ANKRD13A: variants seen among roughly 807,000 people sequenced by gnomAD.
ANKRD13A encodes the protein ankyrin repeat domain-containing protein 13A.
ANKRD13A carries 48 observed loss-of-function variants against 81.3 expected under a neutral mutation model. The observed-to-expected ratio is 0.59, with a 90% CI of 0.47 to 0.75. The LOEUF (loss-of-function observed/expected upper bound fraction) is 0.75. Ranked by LOEUF, ANKRD13A falls within the 30% of genes least tolerant of loss-of-function variation. The pLI, the probability that ANKRD13A is intolerant of heterozygous loss-of-function variation, is 0.00. For missense variants in ANKRD13A, 612 were observed against 734.0 expected, an observed-to-expected ratio of 0.83 and a Z score of 1.92; for synonymous variants, 230 against 270.1, an observed-to-expected ratio of 0.85 and a Z score of 1.45.
At position 110,019,231 on chromosome 12, in the gene ANKRD13A, C is replaced by G; in HGVS notation, c.637C>G (p.Leu213Val). 1 of 1,614,174 alleles carries G rather than the reference C, an allele frequency of 6.2e-7. No individual in the cohort carries two copies. The highest frequency in any genetic ancestry group is 8.5e-7 in the Non-Finnish European group (1 of 1,179,978). The change falls in exon 6 of 15, where the codon CTG becomes GTG. Residue 213 changes from leucine to valine, a missense_variant. Leu to Val is a conservative substitution (Grantham distance 32). Coordinates refer to ENST00000261739, the MANE Select transcript of ANKRD13A (RefSeq NM_033121.2). ...TTCCCAAGAAATGGAGCGCCTCACT[C>G]TGGACTTGATGAAGCCAAAAAGCAG... The part of the protein sequence containing the change: ...DLSQEMERLT[L>V]DLMKPKSREV...
chr12:110,030,816 C>T (rs1240634836), intron 12 of ANKRD13A, 58 bp downstream of exon 12: 34 of 1,182,734 alleles, frequency 2.9e-5, no homozygotes, highest in Non-Finnish European at 3.8e-5. Context: ...AATTTATGGC[C>T]GGACGTGGTG....
chr12:110,019,494 G>C (rs1890967995), intron 6 of ANKRD13A, among the ~76,000 whole-genome samples, 166 bp downstream of exon 6: 1 of 152,124 alleles, frequency 6.6e-6, no homozygotes, highest in African/African-American at 2.4e-5. Flanking sequence ...AATTGTAGCT[G>C]ACACTCGACA....
chr12:110,010,888 C>T (rs1480256862), intron 1 of ANKRD13A, among the ~76,000 whole-genome samples: 1 of 152,180 alleles, frequency 6.6e-6, no homozygotes, highest in Non-Finnish European at 1.5e-5. Context: ...ACCTGAATAA[C>T]AGCTAGCATC....
rs932832216 is a variant in ANKRD13A, at chr12:110,018,918, G to C, written c.545-221G>C. ...AATGCAGATTATTAAGAAAAATTCC[G>C]CACCTTTGGGGAAGATGGCTCAGAG... is the stretch of plus-strand genomic sequence containing the variant. On this transcript the variant is annotated intron_variant, in intron 5 of 14. Transcript: ENST00000261739. The surrounding 1 kb of genome is among the most constrained non-coding windows in gnomAD (Gnocchi z 4.4). Among the ~76,000 whole-genome samples the C allele has an allele frequency of 6.6e-6, 1 of 152,126 alleles. No homozygotes were observed. The highest frequency in any genetic ancestry group is 1.5e-5 in the Non-Finnish European group (1 of 68,036).
In ANKRD13A at chr12:110,024,056, G is replaced by A; in HGVS notation, c.745G>A (p.Gly249Arg). Residue 249 changes from glycine to arginine, a missense_variant, in exon 7 of 15, where the codon GGA becomes AGA. Physicochemically the swap from Gly to Arg is moderately radical, Grantham distance 125 (BLOSUM62 -2). Coordinates refer to ENST00000261739, the MANE Select transcript of ANKRD13A (RefSeq NM_033121.2). Reference protein sequence around the residue: ...KNIAFERTKSGFWGWRTDKAE... With the variant: ...KNIAFERTKSRFWGWRTDKAE... The stretch of plus-strand genomic sequence containing the variant: ...TTCACTTTTTATCAGAACTAAATCC[G>A]GATTCTGGGGCTGGAGGACAGATAA... 2 of 1,613,414 alleles carry A rather than the reference G, an allele frequency of 1.2e-6. No homozygotes were observed. The highest frequency in any genetic ancestry group is 1.7e-6 in the Non-Finnish European group (2 of 1,179,738).
intron 6 of ANKRD13A, 73 bp downstream of exon 6, chr12:110,019,401 T>C: frequency 7.2e-7 from 1 of 1,386,800 alleles, no homozygotes; most frequent in Non-Finnish European, 9.7e-7. Flanking sequence ...ATGTATTAAT[T>C]GTAAATTATG....
At chr12:110,027,788 T>C (rs1891427173) in intron 9 of ANKRD13A, 22 bp downstream of exon 9, 4 of 1,612,824 alleles carry the variant, frequency 2.5e-6, no homozygotes, top group Non-Finnish European at 3.4e-6. Context: ...CAATGAGCTT[T>C]CATTGCAGTT....
chr12:110,027,263 G>A (rs571478504), intron 8 of ANKRD13A: 145 of 169,400 alleles, frequency 8.6e-4, no homozygotes, highest in South Asian at 3.6e-3. Context: ...TAGAGTTATT[G>A]AGAGGATTAG....
Position 110,018,605 on chromosome 12 carries a change from T to A in ANKRD13A, c.544+117T>A, listed in dbSNP as rs1890915977. On this transcript the variant is annotated intron_variant, in intron 5 of 14. Coordinates refer to ENST00000261739, the MANE Select transcript of ANKRD13A (RefSeq NM_033121.2). This position sits in a 1 kb window ranked among gnomAD's most constrained non-coding sequence, Gnocchi z 4.4. ...CTGTCTGATCCTTCCTAGGGCATGT[T>A]TTTTTGGTTATTCTTATTAATTATT... The A allele has an allele frequency of 2.4e-5, 30 of 1,249,334 alleles. No individual in the cohort carries two copies. In the South Asian group the frequency reaches 4.7e-4, roughly 19 times the overall value. 77.4% of individuals were successfully genotyped at this position (1,249,334 alleles called of 1,614,324 possible).
chr12:110,024,922 T>C (rs1891242361), intron 7 of ANKRD13A, among the ~76,000 whole-genome samples: 1 of 152,248 alleles, frequency 6.6e-6, no homozygotes, highest in South Asian at 2.1e-4. Context: ...GTTACAATAA[T>C]TTTTGTCAGT....
chr12:110,015,610 T>C (rs1310452231), intron 3 of ANKRD13A, among the ~76,000 whole-genome samples: 1 of 151,770 alleles, frequency 6.6e-6, no homozygotes, highest in Admixed American at 6.6e-5. Flanking sequence ...GGAATAGTGC[T>C]ATCTCGGCTC....
chr12:110,014,517 T>C (rs1334663574), intron 3 of ANKRD13A, among the ~76,000 whole-genome samples: 1 of 152,248 alleles, frequency 6.6e-6, no homozygotes, highest in Non-Finnish European at 1.5e-5. Flanking sequence ...TTGCTTCAAG[T>C]TATAGAGAGC....
chr12:110,017,690 T>C (rs929810513), intron 4 of ANKRD13A, among the ~76,000 whole-genome samples: 2 of 152,138 alleles, frequency 1.3e-5, no homozygotes, highest in African/African-American at 4.8e-5. Flanking sequence ...TCCCAGCACT[T>C]TTGGAGGCTG....
intron 7 of ANKRD13A, 81 bp downstream of exon 7, chr12:110,024,193 A>G: frequency 7.9e-7 from 1 of 1,267,486 alleles, no homozygotes; most frequent in Non-Finnish European, 1.1e-6. Flanking sequence ...CATTTTTTTC[A>G]TGCATCTGTG....
At chr12:110,033,759 A>G (rs1277605101) in intron 12 of ANKRD13A, 38 bp from the exon 13 acceptor site, 2 of 1,515,238 alleles carry the variant, frequency 1.3e-6, no homozygotes, top group Non-Finnish European at 8.9e-7. Context: ...GTGGAAATGT[A>G]ATGAACTCAG....
intron 4 of ANKRD13A, 142 bp downstream of exon 4, chr12:110,016,575 C>A: frequency 2.7e-6 from 2 of 734,096 alleles, no homozygotes; most frequent in South Asian, 2.6e-5. Flanking sequence ...AAAATAATCA[C>A]TGATAGTCCC....
chr12:110,025,801 G>A lies in ANKRD13A; in HGVS notation c.861G>A (p.Glu287=), dbSNP rs1477746293. Residue 287 remains glutamate (E), a synonymous_variant, in exon 8 of 15, where the codon GAG becomes GAA. Transcript: ENST00000261739. ...ITKIRTEHLT[E]EEKKRYKADR... ...AAATACGCACAGAACATCTGACCGA[G>A]GAGGAAAAAAAGAGATATAAAGGTA... The A allele has an allele frequency of 2.5e-6, 4 of 1,613,232 alleles. No homozygotes were observed. In the South Asian group the frequency reaches 4.4e-5, roughly 18 times the overall value.
rs2137193956 is a variant in ANKRD13A, at chr12:110,036,551, C to T, written c.1577+223C>T. ...GATCACGAGGTCAGAAGATTGAGAC[C>T]ATCCTGGCTAACACGGTGAAACCCT... On this transcript the variant is annotated intron_variant, in intron 14 of 14. Transcript: ENST00000261739. The surrounding 1 kb of genome is among the most constrained non-coding windows in gnomAD (Gnocchi z 4.6). Among the ~76,000 whole-genome samples, 1 of 152,304 alleles carries T rather than the reference C, an allele frequency of 6.6e-6. No homozygotes were observed. Among genetic ancestry groups the T allele is most frequent in the East Asian group, 1.9e-4 (1 of 5,182 alleles).
At position 110,027,710 on chromosome 12, in the gene ANKRD13A, A is replaced by G. The variant is rs1042926778; in HGVS notation, c.889A>G (p.Arg297Gly). Reference sequence around the variant, plus strand: ...AACTCCCTACCCCTCTGTAGCAGACAGGAACCCGCTGGAATCTTTGCTGGG... The same window carrying G: ...AACTCCCTACCCCTCTGTAGCAGACGGGAACCCGCTGGAATCTTTGCTGGG... ...EEEKKRYKAD[R>G]NPLESLLGTV... Residue 297 changes from arginine (R) to glycine (G), a missense_variant, in exon 9 of 15, where the codon AGG becomes GGG. Physicochemically the swap from Arg to Gly is moderately radical, Grantham distance 125 (BLOSUM62 -2). Transcript: ENST00000261739. 1.9e-6 allele frequency: 3 copies of G among 1,614,170 alleles called. No homozygotes were observed. In the African/African-American group the frequency reaches 4.0e-5, roughly 22 times the overall value.
Sources: gnomAD v4.1 joint callset for allele counts (sites outside exome capture counted in the v4.1 genomes callset) on GRCh38, gnomAD v4.1.1 for gene constraint, Gnocchi (gnomAD v3.1) non-coding constraint, MANE v1.5 for transcripts, NCBI Gene and HGNC (gene_info 2026-07-23, HGNC 2026-07-21) for gene names.